Variants in TGFBRAP1 observed in about 807,000 individuals in gnomAD.
TGFBRAP1 encodes the protein transforming growth factor beta receptor associated protein 1.
Under a neutral mutation model 83.2 loss-of-function variants are expected in TGFBRAP1, and 20 were observed. The observed-to-expected ratio is 0.24, with a 90% CI of 0.17 to 0.35. TGFBRAP1 has a LOEUF of 0.35. Ranked by LOEUF, TGFBRAP1 falls within the 10% of genes least tolerant of loss-of-function variation. The pLI, the probability that TGFBRAP1 is intolerant of heterozygous loss-of-function variation, is 1.00. For synonymous variants in TGFBRAP1, 415 were observed against 459.8 expected (o/e 0.90, Z 1.25); for missense variants, 950 against 1,099.4 (o/e 0.86, Z 1.92).
At chr2:105,254,935 C>T in the TGFBRAP1 span, among the ~76,000 whole-genome samples, 1 of 152,188 alleles carries the variant, frequency 6.6e-6, no homozygotes, top group Non-Finnish European at 1.5e-5. Flanking sequence ...TCTCCAGGAA[C>T]TGAATCTGCT....
At chr2:105,296,229 AAAC>A (rs1678084424) in intron 4 of TGFBRAP1, 124 bp downstream of exon 4, 1 of 1,187,472 alleles carries the variant, frequency 8.4e-7, no homozygotes, top group Non-Finnish European at 1.2e-6. Flanking sequence ...TGAGAAAATT[AAAC>A]AACAGATATA....
chr2:105,277,575 G>A, intron 7 of TGFBRAP1, 39 bp downstream of exon 7: 2 of 1,604,250 alleles, frequency 1.2e-6, no homozygotes, highest in South Asian at 2.2e-5. Context: ...CTTACATGGT[G>A]CTGATTTTTA....
Position 105,329,705 on chromosome 2 carries a change from G to T in TGFBRAP1, c.-98C>A, listed in dbSNP as rs1192274822. The T allele has an allele frequency of 2.0e-5, 3 of 146,774 alleles. No homozygotes were observed. The highest frequency in any genetic ancestry group is 4.6e-5 in the Non-Finnish European group (3 of 65,758). The allele number at this position is 146,774 out of a possible 1,614,324, so 9.1% of individuals were successfully genotyped here. On this transcript the variant is annotated 5_prime_UTR_variant, in exon 1 of 12. Transcript: ENST00000393359. ...GCTCCGGCCCGCGGCTCCTGGGCTG[G>T]CCCGACCCCGCAGCCGCCGCTTCCC...
At chr2:105,287,101 G>C (rs1000709372) in intron 4 of TGFBRAP1, among the ~76,000 whole-genome samples, 1 of 151,628 alleles carries the variant, frequency 6.6e-6, no homozygotes, top group African/African-American at 2.4e-5. Flanking sequence ...CCAGTCACAA[G>C]ACAAATACTG....
chr2:105,280,311 C>G, intron 6 of TGFBRAP1, 71 bp downstream of exon 6: 1 of 1,499,856 alleles, frequency 6.7e-7, no homozygotes, highest in Non-Finnish European at 9.0e-7. Flanking sequence ...TCACGAGGAT[C>G]TCCCCAGCAA....
At chr2:105,301,187 A>G (rs1678277855) in intron 2 of TGFBRAP1, among the ~76,000 whole-genome samples, 1 of 152,202 alleles carries the variant, frequency 6.6e-6, no homozygotes, top group Non-Finnish European at 1.5e-5. Context: ...GTGCCACTGC[A>G]CTCTGGCCTT....
chr2:105,267,169 TCC>T lies in TGFBRAP1; in HGVS notation c.*212_*213del. On this transcript the variant is annotated 3_prime_UTR_variant, in exon 12 of 12. Transcript: ENST00000393359. ...CTGTTTTGGGGATTTTTAGGGGTTT[TCC>T]ATGTACATTCATAGAGCCTGGTCAT... The T allele has an allele frequency of 6.3e-5, 2 of 31,882 alleles. No homozygotes were observed. The highest frequency in any genetic ancestry group is 1.1e-4 in the Non-Finnish European group (2 of 18,958). 2.0% of individuals were successfully genotyped at this position (31,882 alleles called of 1,614,324 possible).
At chr2:105,277,578 G>A in intron 7 of TGFBRAP1, 36 bp downstream of exon 7, 1 of 1,609,132 alleles carries the variant, frequency 6.2e-7, no homozygotes. Context: ...ACATGGTGCT[G>A]ATTTTTAAAT....
At position 105,269,310 on chromosome 2, in the gene TGFBRAP1, G is replaced by A. The variant is rs1455462174; in HGVS notation, c.2368C>T (p.Leu790=). The A allele has an allele frequency of 1.2e-6, 2 of 1,610,740 alleles. No homozygotes were observed. The highest frequency in any genetic ancestry group is 1.3e-5 in the African/African-American group (1 of 74,600). Residue 790 remains leucine (L), a synonymous_variant, in exon 11 of 12, where the codon CTG becomes TTG. Transcript: ENST00000393359. This position sits in a 1 kb window ranked among gnomAD's most constrained non-coding sequence, Gnocchi z 4.1. ...ARRTMQVALG[L]ARSENLIYTY... ...TAGATTAAGTTTTCGGACCTGGCCAGGCCGAGAGCCACCTGCATGGTCCTC... is the reference window on the plus strand; with the variant it reads ...TAGATTAAGTTTTCGGACCTGGCCAAGCCGAGAGCCACCTGCATGGTCCTC...
rs559985854 is a variant in TGFBRAP1 at position 105,320,821 on chromosome 2, T to C, written c.-18+8804A>G. 5.3e-5 allele frequency among the ~76,000 whole-genome samples: 8 copies of C among 152,336 alleles called. No homozygotes were observed. In the South Asian group the frequency reaches 1.2e-3, roughly 24 times the overall value. On this transcript the variant is annotated intron_variant, in intron 1 of 11. Coordinates refer to ENST00000393359, the MANE Select transcript of TGFBRAP1 (RefSeq NM_004257.6). ...AAGCAGTTGTCAAAAGGGATTTCAG[T>C]AAACACTACTCTCTAGATACCTTTC...
the TGFBRAP1 span, among the ~76,000 whole-genome samples, chr2:105,251,680 T>C: frequency 1.3e-5 from 2 of 152,036 alleles, no homozygotes; most frequent in African/African-American, 4.8e-5. Flanking sequence ...ATGATGACAA[T>C]GGCGGTTTTG....
chr2:105,294,443 C>T (rs930951948), intron 4 of TGFBRAP1, among the ~76,000 whole-genome samples: 43 of 151,914 alleles, frequency 2.8e-4, no homozygotes, highest in African/African-American at 9.9e-4. Context: ...GCAAAGGACT[C>T]GGTCCGTAAT....
At chr2:105,279,966 AG>A (rs1445790338) in intron 6 of TGFBRAP1, among the ~76,000 whole-genome samples, 1 of 151,696 alleles carries the variant, frequency 6.6e-6, no homozygotes, top group African/African-American at 2.4e-5. Context: ...TGAACCCAGG[AG>A]GTGGAGGTTG....
intron 2 of TGFBRAP1, among the ~76,000 whole-genome samples, chr2:105,300,441 T>A (rs958201889): frequency 7.1e-5 from 9 of 126,700 alleles, no homozygotes; most frequent in Non-Finnish European, 1.4e-4. Context: ...AATCTTTTTT[T>A]TTTTTTTTTT....
chr2:105,284,473 A>G, intron 4 of TGFBRAP1, 75 bp from the exon 5 acceptor site: 1 of 1,338,374 alleles, frequency 7.5e-7, no homozygotes, highest in Non-Finnish European at 1.1e-6. Flanking sequence ...GTCTAACCCT[A>G]GATAAGTGTT....
chr2:105,299,348 T>C lies in TGFBRAP1; in HGVS notation c.689-643A>G, dbSNP rs142401858. Among the ~76,000 whole-genome samples the C allele has an allele frequency of 2.8e-3, 421 of 152,090 alleles. 2 individuals are homozygous for C. The highest frequency in any genetic ancestry group is 5.1e-3 in the Non-Finnish European group (347 of 67,982). On this transcript the variant is annotated intron_variant, in intron 2 of 11. Coordinates refer to ENST00000393359, the MANE Select transcript of TGFBRAP1 (RefSeq NM_004257.6). ...CATTTCCATATAAGCCACATGAAGATTGACAAAGCATGTGTCCTCACGTGA... is the reference window on the plus strand; with the variant it reads ...CATTTCCATATAAGCCACATGAAGACTGACAAAGCATGTGTCCTCACGTGA...
In TGFBRAP1 at chr2:105,269,165, G is replaced by A; in HGVS notation, c.2406+107C>T. ...CAGATATTGATGTGTTGTAGTCATAGAGACAGAAAAAAGAAAAACCAACAA... is the reference window on the plus strand; with the variant it reads ...CAGATATTGATGTGTTGTAGTCATAAAGACAGAAAAAAGAAAAACCAACAA... On this transcript the variant is annotated intron_variant, in intron 11 of 11. Coordinates refer to ENST00000393359, the MANE Select transcript of TGFBRAP1 (RefSeq NM_004257.6). The surrounding 1 kb of genome is among the most constrained non-coding windows in gnomAD (Gnocchi z 4.1). 1 of 1,350,762 alleles carries A rather than the reference G, an allele frequency of 7.4e-7. No homozygotes were observed. The highest frequency in any genetic ancestry group is 9.8e-7 in the Non-Finnish European group (1 of 1,017,046). 83.7% of individuals were successfully genotyped at this position (1,350,762 alleles called of 1,614,324 possible).
chr2:105,294,174 A>T (rs1428000868), intron 4 of TGFBRAP1, among the ~76,000 whole-genome samples: 28 of 152,210 alleles, frequency 1.8e-4, no homozygotes, highest in Admixed American at 1.6e-3. Flanking sequence ...TTTGAGGGTT[A>T]AAACAACAAA....
intron 1 of TGFBRAP1, among the ~76,000 whole-genome samples, chr2:105,316,501 G>A (rs1678881654): frequency 7.0e-6 from 1 of 142,954 alleles, no homozygotes; most frequent in African/African-American, 2.6e-5. Context: ...AACTCAAAAA[G>A]CAGATTCTAA....
Sources: gnomAD v4.1 joint callset for allele counts (sites outside exome capture counted in the v4.1 genomes callset) on GRCh38, gnomAD v4.1.1 for gene constraint, Gnocchi (gnomAD v3.1) non-coding constraint, MANE v1.5 for transcripts, NCBI Gene and HGNC (gene_info 2026-07-23, HGNC 2026-07-21) for gene names.